Variants in ARSG observed in about 807,000 individuals in gnomAD.
ARSG encodes the protein ASG.
Under a neutral mutation model 50.5 loss-of-function variants are expected in ARSG, and 37 were observed. The observed-to-expected ratio is 0.73, with a 90% CI of 0.56 to 0.96. ARSG has a LOEUF of 0.96. Ranked by LOEUF, ARSG falls within the 50% of genes least tolerant of loss-of-function variation. The pLI, the probability that ARSG is intolerant of heterozygous loss-of-function variation, is 0.00. For missense variants in ARSG, 629 were observed against 675.3 expected, an observed-to-expected ratio of 0.93 and a Z score of 0.76; for synonymous variants, 225 against 254.6, an observed-to-expected ratio of 0.88 and a Z score of 1.11.
At chr17:68,385,212 G>T (rs556200141) in intron 9 of ARSG, 40 bp downstream of exon 9, 5 of 1,585,760 alleles carry the variant, frequency 3.2e-6, no homozygotes, top group Non-Finnish European at 4.3e-6. Flanking sequence ...GGGGCCCAGA[G>T]CAAGAAAAGT....
chr17:68,269,144 A>G (rs1349758271), intron 1 of ARSG: 1 of 1,520,006 alleles, frequency 6.6e-7, no homozygotes, highest in African/African-American at 1.4e-5. Context: ...TTTTTGCAAG[A>G]TCCATTTCCA....
intron 11 of ARSG, among the ~76,000 whole-genome samples, chr17:68,418,578 A>T (rs1017294964): frequency 3.9e-5 from 6 of 152,314 alleles, no homozygotes; most frequent in African/African-American, 1.4e-4. Context: ...TTCTGGCCAG[A>T]TTGGACCAGA....
At chr17:68,363,252 A>C (rs1417719285) in intron 6 of ARSG, among the ~76,000 whole-genome samples, 1 of 152,174 alleles carries the variant, frequency 6.6e-6, no homozygotes, top group East Asian at 1.9e-4. Context: ...GTTTTGGGGC[A>C]AGATAACAGG....
chr17:68,370,431 T>C lies in ARSG; in HGVS notation c.902-13T>C. 1 of 1,613,928 alleles carries C rather than the reference T, an allele frequency of 6.2e-7. No individual in the cohort carries two copies. Among genetic ancestry groups the C allele is most frequent in the Non-Finnish European group, 8.5e-7 (1 of 1,179,858 alleles). ...CCAGCCTGGTGACCATTAATGCTTT[T>C]TCTGGTTTCTAGGAGACAATGGCCC... On this transcript the variant is annotated splice_polypyrimidine_tract_variant and intron_variant, in intron 7 of 11. Coordinates refer to ENST00000621439, the MANE Select transcript of ARSG (RefSeq NM_001267727.2).
chr17:68,354,711 C>T lies in ARSG; in HGVS notation c.567-1956C>T, dbSNP rs555254775. ...CCAGCCTGGGCAACATGGTGAAACCCGTTCTTTACAAAAAATACAAAAATT... is the reference window on the plus strand; with the variant it reads ...CCAGCCTGGGCAACATGGTGAAACCTGTTCTTTACAAAAAATACAAAAATT... On this transcript the variant is annotated intron_variant, in intron 5 of 11. Coordinates refer to ENST00000621439, the MANE Select transcript of ARSG (RefSeq NM_001267727.2). Among the ~76,000 whole-genome samples, 19 of 152,076 alleles carry T rather than the reference C, an allele frequency of 1.2e-4. 1 individual carries two copies. The highest frequency in any genetic ancestry group is 6.2e-4 in the South Asian group (3 of 4,812).
At chr17:68,293,872 A>G (rs1599594532) in intron 1 of ARSG, among the ~76,000 whole-genome samples, 1 of 152,172 alleles carries the variant, frequency 6.6e-6, no homozygotes, top group Non-Finnish European at 1.5e-5. Flanking sequence ...AAAGTCACGC[A>G]ACATGACTTT....
In ARSG at chr17:68,382,857, G is replaced by A. The variant is rs922264162; in HGVS notation, c.983-2207G>A. 2.0e-5 allele frequency among the ~76,000 whole-genome samples: 3 copies of A among 152,260 alleles called. No homozygotes were observed. The East Asian group carries it at 5.8e-4, about 29-fold the overall frequency. ...ATTTGGGTGGCTGGCATATATAATT[G>A]TGTCTTCCTGTTAGAGCCAGAACCC... On this transcript the variant is annotated intron_variant, in intron 8 of 11. Coordinates refer to ENST00000621439, the MANE Select transcript of ARSG (RefSeq NM_001267727.2).
chr17:68,321,962 A>C (rs1271438311), intron 2 of ARSG, among the ~76,000 whole-genome samples: 1 of 152,098 alleles, frequency 6.6e-6, no homozygotes, highest in African/African-American at 2.4e-5. Context: ...AGTGGCCAGG[A>C]GGGGGAAAAA....
chr17:68,376,131 A>G (rs1434319663), intron 8 of ARSG, among the ~76,000 whole-genome samples: 1 of 152,002 alleles, frequency 6.6e-6, no homozygotes, highest in African/African-American at 2.4e-5. Context: ...TATTTTAGAG[A>G]TACAGTCTTG....
intron 2 of ARSG, among the ~76,000 whole-genome samples, chr17:68,342,140 A>G (rs570640705): frequency 1.1e-4 from 16 of 152,044 alleles, no homozygotes; most frequent in African/African-American, 3.9e-4. Flanking sequence ...CTTGTTATTG[A>G]TAATAGTTAT....
At chr17:68,448,355 C>G in the ARSG span, 2 of 152,196 alleles carry the variant, frequency 1.3e-5, no homozygotes, top group East Asian at 3.8e-4. Context: ...AGGGAGAACT[C>G]TTAGATATTG....
chr17:68,295,528 G>A (rs968725793), intron 1 of ARSG, among the ~76,000 whole-genome samples: 1 of 151,814 alleles, frequency 6.6e-6, no homozygotes, highest in Non-Finnish European at 1.5e-5. Flanking sequence ...ATTATCTCAA[G>A]CCTGTTGCAA....
At chr17:68,269,672 G>C (rs77461512) in intron 1 of ARSG, among the ~76,000 whole-genome samples, 1 of 54,010 alleles carries the variant, frequency 1.9e-5, no homozygotes, top group African/African-American at 1.5e-4. Flanking sequence ...GTTCACTTTA[G>C]GTTTTTTTTT....
At chr17:68,273,782 C>G (rs764747709) in intron 1 of ARSG, 30 of 1,018,066 alleles carry the variant, frequency 2.9e-5, no homozygotes, top group Non-Finnish European at 3.8e-5. Flanking sequence ...TAGCTCAGTT[C>G]AAAACTACTG....
At chr17:68,418,613 C>G (rs565120410) in intron 11 of ARSG, among the ~76,000 whole-genome samples, 1 of 152,332 alleles carries the variant, frequency 6.6e-6, no homozygotes, top group South Asian at 2.1e-4. Flanking sequence ...GGTGGTATGG[C>G]TTTGCCCCTA....
intron 11 of ARSG, among the ~76,000 whole-genome samples, chr17:68,415,811 T>TCCC (rs938591062): frequency 7.2e-4 from 110 of 152,310 alleles, no homozygotes; most frequent in Non-Finnish European, 7.5e-4. Flanking sequence ...TTAAAGTTGG[T>TCCC]TTTGTCTGAT....
chr17:68,451,793 C>T, the ARSG span, among the ~76,000 whole-genome samples: 8 of 152,048 alleles, frequency 5.3e-5, no homozygotes, highest in Non-Finnish European at 8.8e-5. Context: ...AGTATTATGA[C>T]GAGGAAAGTA....
At chr17:68,280,971 G>A (rs1262182181) in intron 1 of ARSG, among the ~76,000 whole-genome samples, 2 of 151,696 alleles carry the variant, frequency 1.3e-5, no homozygotes, top group East Asian at 1.9e-4. Flanking sequence ...CTGAAAATAC[G>A]AAAAATTAAC....
intron 2 of ARSG, among the ~76,000 whole-genome samples, chr17:68,326,667 AAAAC>A (rs1301503284): frequency 1.1e-4 from 16 of 152,330 alleles, no homozygotes; most frequent in East Asian, 3.9e-4. Context: ...CTCCGTCTAA[AAAAC>A]AAACAAACAA....
Sources: allele counts gnomAD v4.1 joint callset (sites outside exome capture counted in the v4.1 genomes callset), GRCh38; gene constraint gnomAD v4.1.1; transcripts MANE v1.5; gene names NCBI Gene and HGNC (gene_info 2026-07-23, HGNC 2026-07-21).